ADAMTSL1: variants seen among roughly 807,000 people sequenced by gnomAD.
ADAMTSL1 encodes the protein ADAMTS-like protein 1.
In ADAMTSL1, 126 loss-of-function variants were observed where a neutral mutation model predicts 201.8. The observed-to-expected ratio is 0.62, with a 90% CI of 0.54 to 0.72. The LOEUF (loss-of-function observed/expected upper bound fraction) is 0.72. ADAMTSL1 is among the 30% of genes least tolerant of loss of function. ADAMTSL1 has a pLI of 0.00. For missense variants in ADAMTSL1, 2,679 were observed against 2,277.8 expected, an observed-to-expected ratio of 1.18 and a Z score of -3.59; for synonymous variants, 1,121 against 903.4, an observed-to-expected ratio of 1.24 and a Z score of -4.32.
At chr9:18,582,445 A>G (rs1823159522) in intron 4 of ADAMTSL1, among the ~76,000 whole-genome samples, 1 of 152,164 alleles carries the variant, frequency 6.6e-6, no homozygotes, top group South Asian at 2.1e-4. Flanking sequence ...TGCAATTCCC[A>G]CATGTTGTGG....
intron 23 of ADAMTSL1, among the ~76,000 whole-genome samples, chr9:18,861,031 T>C (rs376558166): frequency 6.6e-5 from 10 of 152,158 alleles, no homozygotes; most frequent in Admixed American, 4.6e-4. Flanking sequence ...TTCACAGAGA[T>C]CATATACACA....
chr9:18,577,362 C>T (rs7388795), intron 4 of ADAMTSL1, among the ~76,000 whole-genome samples: 97,447 of 151,884 alleles, frequency 0.64, 31,513 homozygotes, highest in East Asian at 0.82. Context: ...GGCAGGTGCT[C>T]GTATTCGCAG....
At chr9:18,145,431 G>T (rs1276413564) in intron 1 of ADAMTSL1, among the ~76,000 whole-genome samples, 1 of 152,158 alleles carries the variant, frequency 6.6e-6, no homozygotes. Context: ...TTGAGGGAAT[G>T]TTAATCATCA....
chr9:18,150,909 T>G (rs576628062), intron 1 of ADAMTSL1, among the ~76,000 whole-genome samples: 23 of 151,932 alleles, frequency 1.5e-4, no homozygotes, highest in African/African-American at 5.5e-4. Context: ...GACTTATTTT[T>G]TTTTTCTGTG....
At chr9:18,832,223 T>C (rs1322324687) in intron 23 of ADAMTSL1, among the ~76,000 whole-genome samples, 1 of 152,154 alleles carries the variant, frequency 6.6e-6, no homozygotes, top group African/African-American at 2.4e-5. Context: ...CCCCAGCTAG[T>C]ACCTCATCCT....
At chr9:18,129,180 A>C (rs1366027428) in intron 1 of ADAMTSL1, among the ~76,000 whole-genome samples, 3 of 152,202 alleles carry the variant, frequency 2.0e-5, no homozygotes, top group African/African-American at 7.2e-5. Context: ...CCTGCTAAAT[A>C]TATCTTTGCC....
chr9:18,478,252 A>C (rs552856911), intron 1 of ADAMTSL1, among the ~76,000 whole-genome samples: 1 of 152,224 alleles, frequency 6.6e-6, no homozygotes, highest in South Asian at 2.1e-4. Flanking sequence ...GTTTTTTAAA[A>C]ACTTAGTTTA....
chr9:17,930,782 C>T (rs1404409134), intron 1 of ADAMTSL1, among the ~76,000 whole-genome samples: 2 of 152,248 alleles, frequency 1.3e-5, no homozygotes, highest in Admixed American at 6.5e-5. Flanking sequence ...TTGAGGGGAA[C>T]CAGTTAGAAA....
intron 2 of ADAMTSL1, among the ~76,000 whole-genome samples, chr9:18,349,480 G>T (rs1399758637): frequency 1.3e-5 from 2 of 152,144 alleles, no homozygotes; most frequent in Non-Finnish European, 2.9e-5. Flanking sequence ...CCTCACACTT[G>T]TTGGGCTTTG....
chr9:18,510,120 A>C (rs1817944558), intron 2 of ADAMTSL1, among the ~76,000 whole-genome samples: 1 of 152,210 alleles, frequency 6.6e-6, no homozygotes, highest in East Asian at 1.9e-4. Context: ...CTCTAGTAAT[A>C]TGACCTCTTA....
chr9:18,178,335 G>T (rs941595966), intron 2 of ADAMTSL1, among the ~76,000 whole-genome samples: 1 of 152,038 alleles, frequency 6.6e-6, no homozygotes, highest in Admixed American at 6.5e-5. Context: ...AAAAAACGGC[G>T]CACCAGGAGA....
At chr9:18,841,566 AG>A (rs1825717435) in intron 23 of ADAMTSL1, among the ~76,000 whole-genome samples, 1 of 152,154 alleles carries the variant, frequency 6.6e-6, no homozygotes, top group Non-Finnish European at 1.5e-5. Context: ...TGAGTTAGGG[AG>A]GATTTCCTCT....
At chr9:18,407,387 A>G (rs1818251484) in intron 2 of ADAMTSL1, among the ~76,000 whole-genome samples, 1 of 152,250 alleles carries the variant, frequency 6.6e-6, no homozygotes, top group Non-Finnish European at 1.5e-5. Context: ...TGAGTTGCAA[A>G]TAGAGATTTG....
intron 4 of ADAMTSL1, among the ~76,000 whole-genome samples, chr9:18,592,440 C>A (rs1295875448): frequency 6.6e-6 from 1 of 152,136 alleles, no homozygotes; most frequent in Non-Finnish European, 1.5e-5. Flanking sequence ...TGCTGAATGT[C>A]CACAGATTGG....
At chr9:18,901,599 A>G (rs1351012301) in intron 26 of ADAMTSL1, among the ~76,000 whole-genome samples, 1 of 152,212 alleles carries the variant, frequency 6.6e-6, no homozygotes, top group Non-Finnish European at 1.5e-5. Context: ...TTCAAATTAG[A>G]TTGTTATAAC....
chr9:18,166,786 T>C (rs780351854), intron 2 of ADAMTSL1, among the ~76,000 whole-genome samples: 1 of 152,050 alleles, frequency 6.6e-6, no homozygotes. Context: ...ATGTAAATAA[T>C]GTTTGAAAAC....
chr9:18,608,896 TTATTCA>T (rs67988045), intron 4 of ADAMTSL1, among the ~76,000 whole-genome samples: 6,519 of 152,286 alleles, frequency 0.043, 177 homozygotes, highest in East Asian at 0.13. Flanking sequence ...TGCTTTTGGC[TTATTCA>T]TTTAGATTCA....
intron 1 of ADAMTSL1, among the ~76,000 whole-genome samples, chr9:18,067,807 GGAGAA>G (rs1442429020): frequency 6.6e-6 from 1 of 152,098 alleles, no homozygotes; most frequent in African/African-American, 2.4e-5. Flanking sequence ...TGTTTACCCT[GGAGAA>G]GAGAAGACTT....
intron 1 of ADAMTSL1, among the ~76,000 whole-genome samples, chr9:18,092,552 C>G (rs77600300): frequency 6.6e-6 from 1 of 152,124 alleles, no homozygotes; most frequent in East Asian, 1.9e-4. Flanking sequence ...AGAAATGACT[C>G]CAGTGATACA....
Sources: gnomAD v4.1 joint callset for allele counts (sites outside exome capture counted in the v4.1 genomes callset) on GRCh38, gnomAD v4.1.1 for gene constraint, MANE v1.5 for transcripts, NCBI Gene and HGNC (gene_info 2026-07-23, HGNC 2026-07-21) for gene names.